Variants in CFH observed in about 807,000 individuals in gnomAD.
CFH encodes complement factor H, also known as H factor 1 (complement).
Under a neutral mutation model 147.3 loss-of-function variants are expected in CFH, and 53 were observed. The observed-to-expected ratio is 0.36, with a 90% CI of 0.29 to 0.45. The LOEUF is 0.45. Ranked by LOEUF, CFH falls within the 20% of genes least tolerant of loss-of-function variation. CFH has a pLI of 1.00. For missense variants in CFH, 1,380 were observed against 1,498.0 expected, an observed-to-expected ratio of 0.92 and a Z score of 1.30; for synonymous variants, 536 against 489.4, an observed-to-expected ratio of 1.10 and a Z score of -1.26.
chr1:196,695,602 G>A (rs1437434116), intron 9 of CFH, among the ~76,000 whole-genome samples: 1 of 152,052 alleles, frequency 6.6e-6, no homozygotes, highest in African/African-American at 2.4e-5. Flanking sequence ...TGGGCAATAT[G>A]GCCATTTTCA....
intron 10 of CFH, among the ~76,000 whole-genome samples, chr1:196,715,366 T>C (rs138471867): frequency 4.6e-5 from 7 of 152,228 alleles, no homozygotes; most frequent in African/African-American, 1.7e-4. Context: ...TTTTAAAATA[T>C]ATTTTGGGGC....
chr1:196,707,350 T>A (rs1668614203), intron 9 of CFH, among the ~76,000 whole-genome samples: 1 of 152,142 alleles, frequency 6.6e-6, no homozygotes, highest in Non-Finnish European at 1.5e-5. Flanking sequence ...AACATACACA[T>A]AAATAAATTA....
chr1:196,714,551 A>G (rs1362573171), intron 10 of CFH, among the ~76,000 whole-genome samples: 1 of 147,760 alleles, frequency 6.8e-6, no homozygotes, highest in African/African-American at 2.5e-5. Context: ...TTTTCTGGGA[A>G]CAATTGGTTC....
At chr1:196,692,782 C>CTT (rs1224385783) in intron 9 of CFH, among the ~76,000 whole-genome samples, 9 of 86,398 alleles carry the variant, frequency 1.0e-4, no homozygotes, top group African/African-American at 4.5e-4. Flanking sequence ...TTCTTTCTTT[C>CTT]TTTCTTTCTT....
intron 11 of CFH, among the ~76,000 whole-genome samples, chr1:196,721,005 A>C (rs920469860): frequency 2.0e-5 from 3 of 151,884 alleles, no homozygotes; most frequent in Admixed American, 2.0e-4. Context: ...ACTGTGTCTA[A>C]TGTAAGATGA....
At chr1:196,728,301 G>T in intron 14 of CFH, 45 bp from the exon 15 acceptor site, 2 of 1,223,670 alleles carry the variant, frequency 1.6e-6, no homozygotes, top group Non-Finnish European at 2.2e-6. Context: ...TAGTTGGTTT[G>T]ATTCCTATCA....
chr1:196,693,955 GGTGTGTGTGTGT>G (rs71567586), intron 9 of CFH, among the ~76,000 whole-genome samples: 44 of 142,758 alleles, frequency 3.1e-4, no homozygotes, highest in South Asian at 1.4e-3. Flanking sequence ...TTAGATAAAT[GGTGTGTGTGTGT>G]GTGTGTGTGT....
rs758728237 is a variant in CFH at position 196,728,573 on chromosome 1, AG to A, written c.2413+52del. The A allele has an allele frequency of 5.8e-6, 9 of 1,555,470 alleles. No homozygotes were observed. The South Asian group carries it at 1.0e-4, about 17-fold the overall frequency. On this transcript the variant is annotated intron_variant, in intron 15 of 21. Coordinates refer to ENST00000367429, the MANE Select transcript of CFH (RefSeq NM_000186.4). ...ATGTATTCTATTTCTCATTTGGAAAAGTAATAGGTATGTGTGTCTTTTAAAA... is the reference window on the plus strand; with the variant it reads ...ATGTATTCTATTTCTCATTTGGAAAATAATAGGTATGTGTGTCTTTTAAAA...
At chr1:196,695,762 G>T (rs1668240940) in intron 9 of CFH, among the ~76,000 whole-genome samples, 1 of 151,866 alleles carries the variant, frequency 6.6e-6, no homozygotes, top group Non-Finnish European at 1.5e-5. Context: ...TATTTTCTTT[G>T]TGGCAATTGT....
chr1:196,740,229 C>A (rs34557289), intron 17 of CFH, among the ~76,000 whole-genome samples: 2,800 of 152,248 alleles, frequency 0.018, 42 homozygotes, highest in Middle Eastern at 0.041. Context: ...GTTTGCTTTG[C>A]CACTATGTTT....
chr1:196,720,283 A>G (rs1668968808), intron 11 of CFH, among the ~76,000 whole-genome samples: 1 of 151,836 alleles, frequency 6.6e-6, no homozygotes, highest in Non-Finnish European at 1.5e-5. Flanking sequence ...TTAAAATTTT[A>G]ATTTCTATGT....
intron 11 of CFH, among the ~76,000 whole-genome samples, chr1:196,720,034 C>T (rs1046171520): frequency 6.6e-6 from 1 of 151,710 alleles, no homozygotes; most frequent in South Asian, 2.1e-4. Context: ...TATATCTTCA[C>T]TAATAAATCT....
At chr1:196,702,856 G>A (rs402056) in intron 9 of CFH, among the ~76,000 whole-genome samples, 104,314 of 151,230 alleles carry the variant, frequency 0.69, 36,668 homozygotes, top group East Asian at 0.95. Flanking sequence ...AGGAGTCTCA[G>A]TAAGGTCCAG....
At position 196,652,108 on chromosome 1, in the gene CFH, G is replaced by C. The variant is rs1178755788; in HGVS notation, c.-10G>C. The C allele has an allele frequency of 6.2e-7, 1 of 1,601,324 alleles. No homozygotes were observed. Among genetic ancestry groups the C allele is most frequent in the Non-Finnish European group, 8.6e-7 (1 of 1,168,442 alleles). ...TTAGCTGGTAAATGTCCTCTTAAAAGATCCAAAAAATGAGACTTCTAGCAA... is the reference window on the plus strand; with the variant it reads ...TTAGCTGGTAAATGTCCTCTTAAAACATCCAAAAAATGAGACTTCTAGCAA... On this transcript the variant is annotated 5_prime_UTR_variant, in exon 1 of 22. Coordinates refer to ENST00000367429, the MANE Select transcript of CFH (RefSeq NM_000186.4).
At chr1:196,730,396 C>G (rs1307890594) in intron 15 of CFH, among the ~76,000 whole-genome samples, 1 of 151,588 alleles carries the variant, frequency 6.6e-6, no homozygotes, top group Non-Finnish European at 1.5e-5. Flanking sequence ...TCCATAGTTC[C>G]TCCTATTATT....
Position 196,737,532 on chromosome 1 carries a change from G to T in CFH, c.2654G>T (p.Arg885Met), listed in dbSNP as rs1184020128. Residue 885 changes from arginine (R) to methionine (M), a missense_variant, in exon 17 of 22, where the codon AGG (arginine) becomes ATG (methionine). Around this residue, in one of 4 missense-constraint regions of CFH, gnomAD observed 830 missense variants for 821.4 expected, o/e 1.01. Transcript: ENST00000367429. ...GAACACGGAACCATTAATTCATCCA[G>T]GTCTTCACAAGAAAGTTATGCACAT... is the stretch of plus-strand genomic sequence containing the variant. ...QIEHGTINSS[R>M]SSQESYAHGT... 1 of 1,613,258 alleles carries T rather than the reference G, an allele frequency of 6.2e-7. No individual in the cohort carries two copies. The highest frequency in any genetic ancestry group is 2.2e-5 in the East Asian group (1 of 44,730).
intron 12 of CFH, 31 bp from the exon 13 acceptor site, chr1:196,726,439 A>G: frequency 6.6e-7 from 1 of 1,511,962 alleles, no homozygotes; most frequent in Non-Finnish European, 9.2e-7. Flanking sequence ...CAGACAATTT[A>G]ACCATTATTT....
At chr1:196,674,012 A>G (rs765485795) in intron 3 of CFH, 50 bp downstream of exon 3, 3 of 1,199,068 alleles carry the variant, frequency 2.5e-6, no homozygotes, top group South Asian at 1.2e-5. Context: ...GTAAATAGGA[A>G]CTCTACTACT....
At chr1:196,746,454 A>T (rs1653008056) in intron 21 of CFH, among the ~76,000 whole-genome samples, 1 of 152,242 alleles carries the variant, frequency 6.6e-6, no homozygotes, top group Non-Finnish European at 1.5e-5. Context: ...CCGTCTCAAT[A>T]AAAACAACAA....
Sources: gnomAD v4.1 joint callset for allele counts (sites outside exome capture counted in the v4.1 genomes callset) on GRCh38, gnomAD v4.1.1 for gene constraint, gnomAD v4.1.1 regional missense constraint, MANE v1.5 for transcripts, NCBI Gene and HGNC (gene_info 2026-07-23, HGNC 2026-07-21) for gene names.